Variants in KIRREL3 observed in about 807,000 individuals in gnomAD.
The protein encoded by KIRREL3 is kirre like nephrin family adhesion molecule 3.
Under a neutral mutation model 89.7 loss-of-function variants are expected in KIRREL3, and 36 were observed. The observed-to-expected ratio is 0.40, with a 90% confidence interval of 0.31 to 0.53. The LOEUF (loss-of-function observed/expected upper bound fraction) is 0.53. KIRREL3 is among the 20% of genes least tolerant of loss of function. The probability of loss-of-function intolerance (pLI) is 0.49; values close to 1 mark genes in which losing one functional copy is unlikely to be tolerated. For synonymous variants in KIRREL3, 445 were observed against 441.4 expected (o/e 1.01, Z -0.10); for missense variants, 864 against 1,056.6 (o/e 0.82, Z 2.53).
chr11:127,002,109 G>A (rs770309097), upstream of KIRREL3, among the ~76,000 whole-genome samples: 2 of 152,094 alleles, frequency 1.3e-5, no homozygotes, highest in Admixed American at 6.5e-5. Flanking sequence ...GTTTCCATGC[G>A]GATGTTAACT....
chr11:126,678,146 T>C (rs1342976009), intron 1 of KIRREL3, among the ~76,000 whole-genome samples: 1 of 152,186 alleles, frequency 6.6e-6, no homozygotes, highest in Non-Finnish European at 1.5e-5. Flanking sequence ...AGCTGAAAAC[T>C]TGGTTACCTT....
upstream of KIRREL3, chr11:127,002,900 C>T (rs1950338922): frequency 6.6e-6 from 1 of 152,184 alleles, no homozygotes; most frequent in Non-Finnish European, 1.5e-5. Flanking sequence ...TGTCTGCACT[C>T]CACACTCGCA....
Position 126,890,055 on chromosome 11 carries a change from A to G in KIRREL3, c.55+110400T>C, listed in dbSNP as rs1370709934. On this transcript the variant is annotated intron_variant, in intron 1 of 16. Transcript: ENST00000525144. This position sits in a 1 kb window ranked among gnomAD's most constrained non-coding sequence, Gnocchi z 5.1. ...AAATAAACCCCCAGCCACAATCACA[A>G]ATAACTATCTGGTGGAGGATCTTGT... Among the ~76,000 whole-genome samples the G allele has an allele frequency of 1.3e-5, 2 of 152,180 alleles. No homozygotes were observed. Among genetic ancestry groups the G allele is most frequent in the Admixed American group, 1.3e-4 (2 of 15,292 alleles).
chr11:126,437,088 T>C, intron 11 of KIRREL3, 79 bp from the exon 12 acceptor site: 1 of 1,315,578 alleles, frequency 7.6e-7, no homozygotes, highest in Non-Finnish European at 1.0e-6. Flanking sequence ...ACAGTGCCAC[T>C]GTCCTGCTCA....
rs1397836679 is a variant in KIRREL3 at position 126,821,349 on chromosome 11, A to ATG, written c.55+179105_55+179106insCA. On this transcript the variant is annotated intron_variant, in intron 1 of 16. Transcript: ENST00000525144. ...ACACAGTATATATATATATATATAT[A>ATG]TATGTAACTTCCAACCAACATCCCT... is the stretch of plus-strand genomic sequence containing the variant. Among the ~76,000 whole-genome samples, 22 of 91,828 alleles carry ATG rather than the reference A, an allele frequency of 2.4e-4. 3 individuals carry two copies. In the South Asian group the frequency reaches 2.5e-3, roughly 10 times the overall value. The allele number at this position is 91,828 out of a possible 152,430, so 60.2% of individuals were successfully genotyped here.
At position 126,989,795 on chromosome 11, in the gene KIRREL3, C is replaced by G. The variant is rs1949972114; in HGVS notation, c.55+10660G>C. Reference sequence around the variant, plus strand: ...GCATGAAGGCCATTGTTTCCAGGGCCTGTGGCCAGGATCCAGTTATCTTGC... The same window carrying G: ...GCATGAAGGCCATTGTTTCCAGGGCGTGTGGCCAGGATCCAGTTATCTTGC... On this transcript the variant is annotated intron_variant, in intron 1 of 16. Transcript: ENST00000525144. The surrounding 1 kb of genome is among the most constrained non-coding windows in gnomAD (Gnocchi z 6.2). 6.6e-6 allele frequency among the ~76,000 whole-genome samples: 1 copy of G among 152,164 alleles called. No homozygotes were observed. Among genetic ancestry groups the G allele is most frequent in the African/African-American group, 2.4e-5 (1 of 41,448 alleles).
intron 12 of KIRREL3, among the ~76,000 whole-genome samples, chr11:126,436,122 C>T (rs557431678): frequency 9.2e-5 from 14 of 152,326 alleles, no homozygotes; most frequent in East Asian, 1.9e-4. Context: ...GGGACGTCAG[C>T]GCACGGGGGC....
chr11:126,652,590 C>T lies in KIRREL3; in HGVS notation c.56-89678G>A, dbSNP rs547714410. Among the ~76,000 whole-genome samples, 16 of 152,216 alleles carry T rather than the reference C, an allele frequency of 1.1e-4. No individual in the cohort carries two copies. In the East Asian group the frequency reaches 1.7e-3, roughly 17 times the overall value. ...AGTCCTCCACTCAATCTATAGGTAGCGGGGCTGGGTTCCTAAGGATGTCTG... is the reference window on the plus strand; with the variant it reads ...AGTCCTCCACTCAATCTATAGGTAGTGGGGCTGGGTTCCTAAGGATGTCTG... On this transcript the variant is annotated intron_variant, in intron 1 of 16. Transcript: ENST00000525144. This position sits in a 1 kb window ranked among gnomAD's most constrained non-coding sequence, Gnocchi z 4.9.
At chr11:126,451,354 ATG>A (rs1491525139) in intron 7 of KIRREL3, among the ~76,000 whole-genome samples, 81 of 43,796 alleles carry the variant, frequency 1.8e-3, no homozygotes, top group African/African-American at 8.4e-3. Context: ...GTGTGTGCGT[ATG>A]TGAGTGTGAC....
At chr11:126,583,242 T>C (rs577967429) in intron 1 of KIRREL3, among the ~76,000 whole-genome samples, 56 of 152,292 alleles carry the variant, frequency 3.7e-4, no homozygotes, top group Non-Finnish European at 6.5e-4. Context: ...TATTGTGTGG[T>C]TACCAGGGAA....
chr11:126,882,332 CAGA>C lies in KIRREL3; in HGVS notation c.55+118120_55+118122del, dbSNP rs572162509. ...TTTTACCTTGCTGTGTGCAGCAGGG[CAGA>C]AGAATGGGCCTACATCCATTGCTGA... On this transcript the variant is annotated intron_variant, in intron 1 of 16. Transcript: ENST00000525144. Among the ~76,000 whole-genome samples the C allele has an allele frequency of 3.9e-5, 6 of 152,298 alleles. No individual in the cohort carries two copies. The South Asian group carries it at 6.2e-4, about 16-fold the overall frequency.
rs1237305147 is a variant in KIRREL3, at chr11:126,624,393, T to G, written c.56-61481A>C. The stretch of plus-strand genomic sequence containing the variant: ...TATTTCTTAGAACACGAAGCATGAA[T>G]CACTTACACCAGAGATGAGAAAAGC... On this transcript the variant is annotated intron_variant, in intron 1 of 16. Coordinates refer to ENST00000525144, the MANE Select transcript of KIRREL3 (RefSeq NM_032531.4). This position sits in a 1 kb window ranked among gnomAD's most constrained non-coding sequence, Gnocchi z 6.0. Among the ~76,000 whole-genome samples the G allele has an allele frequency of 1.3e-5, 2 of 152,098 alleles. No individual in the cohort carries two copies. The highest frequency in any genetic ancestry group is 2.9e-5 in the Non-Finnish European group (2 of 68,030).
chr11:126,887,042 C>T (rs10750356), intron 1 of KIRREL3, among the ~76,000 whole-genome samples: 93,640 of 151,858 alleles, frequency 0.62, 30,403 homozygotes, highest in African/African-American at 0.82. Context: ...CTCCCTATCT[C>T]ATATGGTTTC....
Position 126,768,903 on chromosome 11 carries a change from T to C in KIRREL3, c.56-205991A>G, listed in dbSNP as rs1949931833. 6.6e-6 allele frequency among the ~76,000 whole-genome samples: 1 copy of C among 152,226 alleles called. No homozygotes were observed. Among genetic ancestry groups the C allele is most frequent in the South Asian group, 2.1e-4 (1 of 4,830 alleles). ...CAAGAAGGCGATGTTGCTTCCCACA[T>C]GCGTGGGAGCCGGTGAAGTGTTGTA... On this transcript the variant is annotated intron_variant, in intron 1 of 16. Coordinates refer to ENST00000525144, the MANE Select transcript of KIRREL3 (RefSeq NM_032531.4). The surrounding 1 kb of genome is among the most constrained non-coding windows in gnomAD (Gnocchi z 4.5).
At chr11:126,670,772 T>C (rs1246675699) in intron 1 of KIRREL3, among the ~76,000 whole-genome samples, 5 of 152,236 alleles carry the variant, frequency 3.3e-5, no homozygotes, top group African/African-American at 9.6e-5. Flanking sequence ...TTAACTGCTT[T>C]CCTCCATACC....
chr11:126,634,730 C>T (rs1350720128), intron 1 of KIRREL3, among the ~76,000 whole-genome samples: 36 of 152,206 alleles, frequency 2.4e-4, no homozygotes, highest in Admixed American at 2.2e-3. Flanking sequence ...CAAGCTCTTG[C>T]ACTCCATTGC....
chr11:126,760,970 C>T (rs1386684211), intron 1 of KIRREL3, among the ~76,000 whole-genome samples: 1 of 152,172 alleles, frequency 6.6e-6, no homozygotes, highest in Non-Finnish European at 1.5e-5. Context: ...AGGCTTTATT[C>T]TGTTATCCAC....
intron 1 of KIRREL3, among the ~76,000 whole-genome samples, chr11:126,959,322 G>A (rs1949014858): frequency 6.6e-6 from 1 of 151,598 alleles, no homozygotes; most frequent in Admixed American, 6.6e-5. Context: ...TTATCTATCT[G>A]GGATAAAGAC....
Position 126,817,731 on chromosome 11 carries a change from C to T in KIRREL3, c.55+182724G>A, listed in dbSNP as rs182774447. On this transcript the variant is annotated intron_variant, in intron 1 of 16. Coordinates refer to ENST00000525144, the MANE Select transcript of KIRREL3 (RefSeq NM_032531.4). This position sits in a 1 kb window ranked among gnomAD's most constrained non-coding sequence, Gnocchi z 5.7. Reference sequence around the variant, plus strand: ...TCCCTAACTTGTTCACATCCTGTCACGCTAGCTAATGATAGCATTTGTAGG... The same window carrying T: ...TCCCTAACTTGTTCACATCCTGTCATGCTAGCTAATGATAGCATTTGTAGG... Among the ~76,000 whole-genome samples, 22 of 152,320 alleles carry T rather than the reference C, an allele frequency of 1.4e-4. No individual in the cohort carries two copies. The highest frequency in any genetic ancestry group is 4.1e-4 in the African/African-American group (17 of 41,562).
Sources: allele counts gnomAD v4.1 joint callset (sites outside exome capture counted in the v4.1 genomes callset), GRCh38; gene constraint gnomAD v4.1.1; non-coding constraint Gnocchi (gnomAD v3.1); transcripts MANE v1.5; gene names NCBI Gene and HGNC (gene_info 2026-07-23, HGNC 2026-07-21).